Variants in ZC3H12B observed in about 807,000 individuals in gnomAD.
ZC3H12B encodes the protein probable ribonuclease ZC3H12B.
In ZC3H12B, 7 loss-of-function variants were observed where a neutral mutation model predicts 43.9. The ratio of observed to expected loss-of-function variants is 0.16; its 90% CI spans 0.09 to 0.30. The LOEUF (loss-of-function observed/expected upper bound fraction) is 0.30. Among genes scored for constraint, ZC3H12B ranks in the 10% least tolerant of loss-of-function variants. The pLI is 1.00. For missense variants in ZC3H12B, 475 were observed against 670.2 expected (o/e 0.71, Z 3.22); for synonymous variants, 222 against 241.7 (o/e 0.92, Z 0.76).
chrX:65,157,357 CCTTA>C, the ZC3H12B span, among the ~76,000 whole-genome samples: 10 of 112,113 alleles, frequency 8.9e-5, no homozygotes, highest in African/African-American at 2.9e-4. Context: ...TTTCAGCCTT[CCTTA>C]CTTTCTAATA....
At position 65,475,498 on chromosome X, in the gene ZC3H12B, G is replaced by T. The variant is rs142748163; in HGVS notation, n.408-13148G>T. Reference sequence around the variant, plus strand: ...GTTCCTACTCTTTACTGGATTGCAAGATTTCTGTTGAGAAATCCACTGATA... The same window carrying T: ...GTTCCTACTCTTTACTGGATTGCAATATTTCTGTTGAGAAATCCACTGATA... On this transcript the variant is annotated intron_variant and non_coding_transcript_variant, in intron 3 of 5. Transcript: ENST00000617377. Among the ~76,000 whole-genome samples the T allele has an allele frequency of 5.4e-5, 6 of 110,242 alleles. No individual in the cohort carries two copies. In the Admixed American group the frequency reaches 5.8e-4, roughly 11 times the overall value.
At chrX:65,424,430 G>A (rs2067056387) in intron 3 of ZC3H12B, among the ~76,000 whole-genome samples, 1 of 111,823 alleles carries the variant, frequency 8.9e-6, no homozygotes, top group African/African-American at 3.3e-5. Context: ...TGCTCACTTT[G>A]GTGATAGCTT....
chrX:65,212,186 T>TA, the ZC3H12B span, among the ~76,000 whole-genome samples: 139 of 49,435 alleles, frequency 2.8e-3, 2 homozygotes, highest in African/African-American at 0.011. Flanking sequence ...ATATATTATA[T>TA]ATTATATAAT....
At chrX:65,349,209 AACTC>A in the ZC3H12B span, among the ~76,000 whole-genome samples, 104 of 112,260 alleles carry the variant, frequency 9.3e-4, no homozygotes, top group Non-Finnish European at 1.5e-3. Flanking sequence ...AGGATCAAGA[AACTC>A]ACTCATAACC....
At chrX:65,200,014 G>A in the ZC3H12B span, among the ~76,000 whole-genome samples, 2 of 111,090 alleles carry the variant, frequency 1.8e-5, no homozygotes, top group Admixed American at 1.9e-4. Context: ...CTGCCTCTAG[G>A]TCTTCGAGGA....
chrX:65,093,222 G>T, the ZC3H12B span, among the ~76,000 whole-genome samples: 4 of 111,860 alleles, frequency 3.6e-5, no homozygotes, highest in Non-Finnish European at 7.5e-5. Flanking sequence ...GAAGATGTAT[G>T]GAAAAGCTTG....
the ZC3H12B span, among the ~76,000 whole-genome samples, chrX:65,078,362 G>T: frequency 8.9e-6 from 1 of 112,125 alleles, no homozygotes; most frequent in South Asian, 3.7e-4. Flanking sequence ...TGAGTCCAAG[G>T]ACCAGCTCTG....
At chrX:65,342,311 A>G in the ZC3H12B span, among the ~76,000 whole-genome samples, 89 of 111,918 alleles carry the variant, frequency 8.0e-4, no homozygotes, top group East Asian at 0.024. Flanking sequence ...TGGGGCTGAT[A>G]GACATCTACA....
chrX:65,366,167 A>G (rs2066172847), upstream of ZC3H12B, among the ~76,000 whole-genome samples: 2 of 108,462 alleles, frequency 1.8e-5, no homozygotes, highest in Non-Finnish European at 3.8e-5. Context: ...ATATAGAATG[A>G]AAGAAAAAAA....
chrX:65,391,071 C>G (rs189628230), intron 2 of ZC3H12B, among the ~76,000 whole-genome samples: 71 of 111,667 alleles, frequency 6.4e-4, no homozygotes, highest in African/African-American at 2.0e-3. Flanking sequence ...TGAAGATGTG[C>G]AAGTCAAGTA....
chrX:65,307,158 G>A, the ZC3H12B span, among the ~76,000 whole-genome samples: 1 of 112,199 alleles, frequency 8.9e-6, no homozygotes, highest in African/African-American at 3.2e-5. Flanking sequence ...TTAGTTTATT[G>A]TTATGTACTT....
chrX:65,235,784 G>A, the ZC3H12B span, among the ~76,000 whole-genome samples: 3 of 112,109 alleles, frequency 2.7e-5, no homozygotes, highest in Admixed American at 2.8e-4. Flanking sequence ...GAGCTTCCAA[G>A]ACATGTCACA....
the ZC3H12B span, among the ~76,000 whole-genome samples, chrX:65,352,744 G>A: frequency 8.9e-6 from 1 of 111,869 alleles, no homozygotes; most frequent in Non-Finnish European, 1.9e-5. Context: ...AACAATGTAT[G>A]CTCACTTCAT....
At chrX:65,231,252 G>T in the ZC3H12B span, among the ~76,000 whole-genome samples, 11 of 110,950 alleles carry the variant, frequency 9.9e-5, no homozygotes, top group Admixed American at 1.1e-3. Flanking sequence ...ATGCTTCAAA[G>T]GGCAATAAAA....
the ZC3H12B span, among the ~76,000 whole-genome samples, chrX:65,041,217 G>T: frequency 1.8e-5 from 2 of 112,152 alleles, no homozygotes; most frequent in African/African-American, 6.5e-5. Flanking sequence ...TTCTGAATCA[G>T]TGGGGTCCAA....
At chrX:65,234,197 G>T in the ZC3H12B span, among the ~76,000 whole-genome samples, 2 of 111,845 alleles carry the variant, frequency 1.8e-5, no homozygotes, top group African/African-American at 6.5e-5. Context: ...TTCAAAGATG[G>T]TTCAGCATAT....
At chrX:65,197,964 C>G in the ZC3H12B span, among the ~76,000 whole-genome samples, 1 of 112,202 alleles carries the variant, frequency 8.9e-6, no homozygotes, top group African/African-American at 3.2e-5. Flanking sequence ...TCTTTTTCTC[C>G]AACTTCAGCA....
the ZC3H12B span, among the ~76,000 whole-genome samples, chrX:65,104,114 A>G: frequency 9.0e-6 from 1 of 111,294 alleles, no homozygotes; most frequent in South Asian, 3.8e-4. Context: ...AAATAACACC[A>G]CACGTCTACA....
At chrX:65,228,371 A>G in the ZC3H12B span, among the ~76,000 whole-genome samples, 3 of 111,872 alleles carry the variant, frequency 2.7e-5, no homozygotes, top group African/African-American at 3.3e-5. Flanking sequence ...TTAGGTATTG[A>G]TGGGACGTAT....
Sources: gnomAD v4.1 joint callset for allele counts (sites outside exome capture counted in the v4.1 genomes callset) on GRCh38, gnomAD v4.1.1 for gene constraint, MANE v1.5 for transcripts, NCBI Gene and HGNC (gene_info 2026-07-23, HGNC 2026-07-21) for gene names.